IL1R1: variants seen among roughly 807,000 people sequenced by gnomAD.
IL1R1 encodes interleukin 1 receptor type 1, also known as interleukin-1 receptor type 1.
Under a neutral mutation model 50.2 loss-of-function variants are expected in IL1R1, and 22 were observed. The ratio of observed to expected loss-of-function variants is 0.44; its 90% CI spans 0.31 to 0.63. The LOEUF (loss-of-function observed/expected upper bound fraction) is 0.63, where lower values mean the gene tolerates loss of function less well. Ranked by LOEUF, IL1R1 falls within the 20% of genes least tolerant of loss-of-function variation. IL1R1 has a pLI of 0.07. For synonymous variants in IL1R1, 251 were observed against 236.7 expected, an observed-to-expected ratio of 1.06 and a Z score of -0.55; for missense variants, 509 against 676.2, an observed-to-expected ratio of 0.75 and a Z score of 2.74.
intron 1 of IL1R1, among the ~76,000 whole-genome samples, chr2:102,128,645 G>T (rs1681858423): frequency 6.6e-6 from 1 of 152,186 alleles, no homozygotes; most frequent in Non-Finnish European, 1.5e-5. Flanking sequence ...GGGCAGTTGG[G>T]CTCCATTGCC....
chr2:102,120,557 G>A (rs568669179), intron 1 of IL1R1, among the ~76,000 whole-genome samples: 1 of 152,190 alleles, frequency 6.6e-6, no homozygotes, highest in African/African-American at 2.4e-5. Context: ...TCTGCGTTGT[G>A]TTCATTTTTC....
In IL1R1 at chr2:102,174,749, T is replaced by C. The variant is rs749971173; in HGVS notation, c.1135+19T>C. On this transcript the variant is annotated intron_variant, in intron 10 of 11. Coordinates refer to ENST00000410023, the MANE Select transcript of IL1R1 (RefSeq NM_000877.4). ...ATAAAAGGTATAATTTTGTATTCCA[T>C]GCAGTATTTCTTGTTGGAGATAAGG... The C allele has an allele frequency of 6.3e-7, 1 of 1,594,576 alleles. No homozygotes were observed. The highest frequency in any genetic ancestry group is 8.5e-7 in the Non-Finnish European group (1 of 1,170,678).
At chr2:102,131,699 C>T (rs1030982326) in intron 1 of IL1R1, among the ~76,000 whole-genome samples, 8 of 151,422 alleles carry the variant, frequency 5.3e-5, no homozygotes, top group South Asian at 2.1e-4. Context: ...CAGAGCATCA[C>T]GAAACGGTGG....
chr2:102,089,838 T>G, intron 1 of IL1R1, among the ~76,000 whole-genome samples: 1 of 150,346 alleles, frequency 6.7e-6, no homozygotes, highest in African/African-American at 2.4e-5. Flanking sequence ...GTTTATCTTT[T>G]TTTTTTTTTT....
At position 102,174,672 on chromosome 2, in the gene IL1R1, C is replaced by A; in HGVS notation, c.1077C>A (p.Phe359Leu). 1 of 1,612,150 alleles carries A rather than the reference C, an allele frequency of 6.2e-7. No homozygotes were observed. The highest frequency in any genetic ancestry group is 1.1e-5 in the South Asian group (1 of 90,882). ...IVCSVFIYKI[F>L]KIDIVLWYRD... ...GTTCTGTTTTCATCTATAAAATCTTCAAGATTGACATTGTGCTTTGGTACA... is the reference window on the plus strand; with the variant it reads ...GTTCTGTTTTCATCTATAAAATCTTAAAGATTGACATTGTGCTTTGGTACA... Residue 359 changes from phenylalanine to leucine, a missense_variant, in exon 10 of 12, where the codon TTC becomes TTA. Coordinates refer to ENST00000410023, the MANE Select transcript of IL1R1 (RefSeq NM_000877.4).
intron 1 of IL1R1, among the ~76,000 whole-genome samples, chr2:102,107,132 ACT>A (rs1311879486): frequency 1.3e-5 from 2 of 152,026 alleles, no homozygotes. Context: ...ACATTTTCCA[ACT>A]CTCTCATCAG....
intron 1 of IL1R1, among the ~76,000 whole-genome samples, chr2:102,098,533 G>C (rs1037327910): frequency 1.3e-5 from 2 of 152,120 alleles, no homozygotes; most frequent in Non-Finnish European, 2.9e-5. Flanking sequence ...GAGAAGCTGG[G>C]TCATATTCGA....
chr2:102,124,688 C>T (rs1452769267), intron 1 of IL1R1, among the ~76,000 whole-genome samples: 2 of 151,934 alleles, frequency 1.3e-5, no homozygotes, highest in African/African-American at 2.4e-5. Context: ...GAGGCCGAGG[C>T]AGGTGAATCA....
At chr2:102,074,504 G>A (rs1559448134) in intron 1 of IL1R1, among the ~76,000 whole-genome samples, 1 of 152,192 alleles carries the variant, frequency 6.6e-6, no homozygotes, top group African/African-American at 2.4e-5. Flanking sequence ...TAAAAGTGCA[G>A]ACATGGAAGC....
chr2:102,124,618 T>A (rs994714994), intron 1 of IL1R1, among the ~76,000 whole-genome samples: 1 of 152,064 alleles, frequency 6.6e-6, no homozygotes, highest in East Asian at 1.9e-4. Context: ...AACTGCCACT[T>A]TTAAAACCAT....
intron 1 of IL1R1, among the ~76,000 whole-genome samples, chr2:102,098,967 G>T (rs1680018568): frequency 6.6e-6 from 1 of 152,092 alleles, no homozygotes; most frequent in African/African-American, 2.4e-5. Flanking sequence ...GCATTTATTG[G>T]GTTGTGACTC....
At chr2:102,118,300 G>A (rs373988645) in intron 1 of IL1R1, among the ~76,000 whole-genome samples, 2 of 152,094 alleles carry the variant, frequency 1.3e-5, no homozygotes, top group Non-Finnish European at 2.9e-5. Flanking sequence ...TAGCCCACCC[G>A]GAGAGGGCAA....
At chr2:102,139,094 A>T (rs148228518), upstream of IL1R1, among the ~76,000 whole-genome samples, 2,065 of 152,140 alleles carry the variant, frequency 0.014, 45 homozygotes, top group African/African-American at 0.047. Flanking sequence ...TGGTGGGGCT[A>T]AAGTGGACCG....
upstream of IL1R1, among the ~76,000 whole-genome samples, chr2:102,141,188 T>C (rs1230403023): frequency 6.6e-6 from 1 of 152,198 alleles, no homozygotes; most frequent in African/African-American, 2.4e-5. Flanking sequence ...AGTTGGAGGA[T>C]TCACAGTAAT....
At chr2:102,078,232 G>C (rs1336162371) in intron 1 of IL1R1, among the ~76,000 whole-genome samples, 1 of 151,874 alleles carries the variant, frequency 6.6e-6, no homozygotes, top group African/African-American at 2.4e-5. Context: ...TAGATAAAAT[G>C]GGGAATAGAA....
chr2:102,111,547 A>T (rs1485270862), intron 1 of IL1R1, among the ~76,000 whole-genome samples: 1 of 152,208 alleles, frequency 6.6e-6, no homozygotes, highest in East Asian at 1.9e-4. Context: ...ACCTGTGCTA[A>T]GCCCTGTGCT....
rs192736175 is a variant in IL1R1 at position 102,174,842 on chromosome 2, G to T, written c.1135+112G>T. 8 of 781,466 alleles carry T rather than the reference G, an allele frequency of 1.0e-5. No individual in the cohort carries two copies. In the Admixed American group the frequency reaches 2.1e-4, roughly 21 times the overall value. 48.4% of individuals were successfully genotyped at this position (781,466 alleles called of 1,614,324 possible). A position where few individuals can be genotyped will look rare whatever the true frequency, so the allele number is the denominator to read the frequency against. On this transcript the variant is annotated intron_variant, in intron 10 of 11. Transcript: ENST00000410023. ...AAGAGGGTTTCTAAAATGAAAAGTG[G>T]CATATACAAGAATACTAGTTATTCT...
At chr2:102,096,699 G>A (rs1419829604) in intron 1 of IL1R1, among the ~76,000 whole-genome samples, 1 of 151,702 alleles carries the variant, frequency 6.6e-6, no homozygotes, top group African/African-American at 2.4e-5. Flanking sequence ...GTGAGTGGAA[G>A]TTTTTAATAA....
At chr2:102,132,002 A>C (rs1209370402) in intron 1 of IL1R1, among the ~76,000 whole-genome samples, 1 of 152,186 alleles carries the variant, frequency 6.6e-6, no homozygotes, top group Non-Finnish European at 1.5e-5. Flanking sequence ...CAGATTCCTC[A>C]TAGAAACAAT....
Sources: gnomAD v4.1 joint callset for allele counts (sites outside exome capture counted in the v4.1 genomes callset) on GRCh38, gnomAD v4.1.1 for gene constraint, MANE v1.5 for transcripts, NCBI Gene and HGNC (gene_info 2026-07-23, HGNC 2026-07-21) for gene names.